MAGI2: variants seen among roughly 807,000 people sequenced by gnomAD.
MAGI2 encodes membrane-associated guanylate kinase, WW and PDZ domain-containing protein 2.
MAGI2 carries 35 observed loss-of-function variants against 133.3 expected under a neutral mutation model. That is an observed-to-expected ratio of 0.26 (90% CI 0.20 to 0.35). The LOEUF (loss-of-function observed/expected upper bound fraction) is 0.35, where lower values mean the gene tolerates loss of function less well. Ranked by LOEUF, MAGI2 falls within the 10% of genes least tolerant of loss-of-function variation. The pLI is 1.00. For missense variants in MAGI2, 1,636 were observed against 1,863.4 expected, an observed-to-expected ratio of 0.88 and a Z score of 2.25; for synonymous variants, 729 against 710.6, an observed-to-expected ratio of 1.03 and a Z score of -0.41.
chr7:78,925,004 C>T (rs1034411937), intron 2 of MAGI2, among the ~76,000 whole-genome samples: 1 of 151,900 alleles, frequency 6.6e-6, no homozygotes, highest in African/African-American at 2.4e-5. Flanking sequence ...TTTATTTTGA[C>T]ATGTGATTTG....
intron 9 of MAGI2, among the ~76,000 whole-genome samples, chr7:78,286,109 G>A (rs1434439920): frequency 6.6e-6 from 1 of 151,786 alleles, no homozygotes; most frequent in East Asian, 1.9e-4. Flanking sequence ...GTGTGTGTGT[G>A]CACACTAAAT....
chr7:79,365,787 G>C, intron 1 of MAGI2, among the ~76,000 whole-genome samples: 1 of 148,682 alleles, frequency 6.7e-6, no homozygotes, highest in South Asian at 2.2e-4. Flanking sequence ...TTGAACCCAG[G>C]TGGTGGAGGT....
intron 2 of MAGI2, among the ~76,000 whole-genome samples, chr7:78,964,088 T>C (rs1803098266): frequency 6.6e-6 from 1 of 152,014 alleles, no homozygotes; most frequent in Admixed American, 6.6e-5. Flanking sequence ...TTATTTAGTT[T>C]AGCCCTCCTA....
At chr7:78,351,152 G>A (rs1327583280) in intron 7 of MAGI2, among the ~76,000 whole-genome samples, 1 of 152,032 alleles carries the variant, frequency 6.6e-6, no homozygotes, top group Non-Finnish European at 1.5e-5. Flanking sequence ...TACATGAATG[G>A]AGCAAGGCCA....
rs570609692 is a variant in MAGI2 at position 78,394,772 on chromosome 7, C to T, written c.1046-25559G>A. 7.9e-5 allele frequency among the ~76,000 whole-genome samples: 12 copies of T among 152,274 alleles called. No homozygotes were observed. The South Asian group carries it at 1.9e-3, about 24-fold the overall frequency. ...ACATTACTCATCGATCTTTGCATTG[C>T]TATTTCTCAATGGTTGTTGCATTCC... On this transcript the variant is annotated intron_variant, in intron 6 of 21. Transcript: ENST00000354212.
chr7:78,667,070 G>T (rs536085216), intron 2 of MAGI2, among the ~76,000 whole-genome samples: 2 of 152,178 alleles, frequency 1.3e-5, no homozygotes, highest in African/African-American at 2.4e-5. Flanking sequence ...AGATTTACAA[G>T]AAGCTGTAAG....
chr7:79,318,296 G>A (rs535451219), intron 1 of MAGI2, among the ~76,000 whole-genome samples: 15 of 152,076 alleles, frequency 9.9e-5, no homozygotes, highest in African/African-American at 3.6e-4. Context: ...TCATCAGTAG[G>A]TTGAGGAAAC....
chr7:78,185,739 T>C (rs1414125393), intron 12 of MAGI2, 69 bp from the exon 13 acceptor site: 4 of 1,253,782 alleles, frequency 3.2e-6, no homozygotes, highest in African/African-American at 3.0e-5. Flanking sequence ...CTTTACTTTC[T>C]TTTTGTTGCT....
intron 2 of MAGI2, among the ~76,000 whole-genome samples, chr7:78,677,427 C>A (rs1347760141): frequency 6.6e-6 from 1 of 151,526 alleles, no homozygotes; most frequent in East Asian, 1.9e-4. Context: ...TTTATGCTTT[C>A]TTTTCAGTTA....
At chr7:78,939,295 T>C (rs1377779633) in intron 2 of MAGI2, among the ~76,000 whole-genome samples, 1 of 152,108 alleles carries the variant, frequency 6.6e-6, no homozygotes, top group Non-Finnish European at 1.5e-5. Flanking sequence ...CGCCTGGCCA[T>C]AATGGTGATT....
chr7:79,288,599 A>G (rs145318274), intron 1 of MAGI2, among the ~76,000 whole-genome samples: 238 of 152,294 alleles, frequency 1.6e-3, no homozygotes, highest in African/African-American at 5.4e-3. Context: ...TCAGAATTGT[A>G]TAATAAAATA....
At chr7:79,020,186 A>G (rs1809158905) in intron 1 of MAGI2, among the ~76,000 whole-genome samples, 1 of 152,172 alleles carries the variant, frequency 6.6e-6, no homozygotes, top group African/African-American at 2.4e-5. Context: ...GATTGGAGGC[A>G]TTTTGTTCCT....
At chr7:78,420,098 G>T (rs1392471032) in intron 6 of MAGI2, among the ~76,000 whole-genome samples, 6 of 152,078 alleles carry the variant, frequency 3.9e-5, no homozygotes. Context: ...ATTTAGGGTG[G>T]AGTTAGTCCA....
intron 1 of MAGI2, among the ~76,000 whole-genome samples, chr7:79,174,976 T>C (rs1380518681): frequency 6.6e-6 from 1 of 151,870 alleles, no homozygotes; most frequent in Admixed American, 6.6e-5. Context: ...TTAGTGCTCT[T>C]GGGCCAAGTA....
intron 4 of MAGI2, among the ~76,000 whole-genome samples, chr7:78,503,575 T>TCCCCCTCCTCCC (rs1794820503): frequency 3.6e-5 from 1 of 27,634 alleles, no homozygotes; most frequent in African/African-American, 1.4e-4. Context: ...CCCCTCCTCC[T>TCCCCCTCCTCCC]CCCCCTCCTC....
At chr7:78,592,425 C>T (rs1376388595) in intron 3 of MAGI2, among the ~76,000 whole-genome samples, 2 of 151,114 alleles carry the variant, frequency 1.3e-5, no homozygotes, top group African/African-American at 4.9e-5. Context: ...CTGCTCTGCT[C>T]TCCTGGGTTA....
At chr7:78,316,373 A>G (rs1787411214) in intron 9 of MAGI2, among the ~76,000 whole-genome samples, 1 of 152,170 alleles carries the variant, frequency 6.6e-6, no homozygotes, top group African/African-American at 2.4e-5. Context: ...TTTATATTGA[A>G]GGGATTATAA....
At chr7:79,328,159 T>C (rs1839830059) in intron 1 of MAGI2, among the ~76,000 whole-genome samples, 1 of 152,176 alleles carries the variant, frequency 6.6e-6, no homozygotes, top group Non-Finnish European at 1.5e-5. Context: ...ACATGATGGG[T>C]AAGTTATAGC....
intron 2 of MAGI2, among the ~76,000 whole-genome samples, chr7:78,915,948 G>A (rs75186775): frequency 0.012 from 1,810 of 152,080 alleles, 37 homozygotes; most frequent in African/African-American, 0.042. Context: ...ATCTGGGGAA[G>A]GAGCCTGACA....
Sources: allele counts gnomAD v4.1 joint callset (sites outside exome capture counted in the v4.1 genomes callset), GRCh38; gene constraint gnomAD v4.1.1; transcripts MANE v1.5; gene names NCBI Gene and HGNC (gene_info 2026-07-23, HGNC 2026-07-21).